RAPGEF5: variants seen among roughly 807,000 people sequenced by gnomAD.
The protein encoded by RAPGEF5 is M-Ras-regulated GEF.
Under a neutral mutation model 125.2 loss-of-function variants are expected in RAPGEF5, and 65 were observed. The observed-to-expected ratio is 0.52, with a 90% confidence interval of 0.43 to 0.64. RAPGEF5 has a LOEUF of 0.64. Among genes scored for constraint, RAPGEF5 ranks in the 30% least tolerant of loss-of-function variants. The probability of loss-of-function intolerance (pLI) is 0.00; values close to 1 mark genes in which losing one functional copy is unlikely to be tolerated. For synonymous variants in RAPGEF5, 391 were observed against 385.9 expected, an observed-to-expected ratio of 1.01 and a Z score of -0.16; for missense variants, 958 against 1,048.1, an observed-to-expected ratio of 0.91 and a Z score of 1.19.
intron 1 of RAPGEF5, among the ~76,000 whole-genome samples, chr7:22,336,785 C>G (rs1464824167): frequency 6.6e-6 from 1 of 152,212 alleles, no homozygotes; most frequent in Non-Finnish European, 1.5e-5. Context: ...CCCTGTTTCC[C>G]TTTTCACCCA....
chr7:22,203,533 A>G (rs1785327716), intron 9 of RAPGEF5, among the ~76,000 whole-genome samples: 2 of 152,218 alleles, frequency 1.3e-5, no homozygotes, highest in Non-Finnish European at 2.9e-5. Context: ...GCAATGACAA[A>G]CAAGGTGTGA....
At chr7:22,161,024 G>T (rs1783973027) in intron 13 of RAPGEF5, among the ~76,000 whole-genome samples, 1 of 128,326 alleles carries the variant, frequency 7.8e-6, no homozygotes, top group Admixed American at 8.6e-5. Flanking sequence ...GTGAAACCCC[G>T]TGTCTACTAA....
chr7:22,146,193 T>G (rs1342790669), intron 19 of RAPGEF5, among the ~76,000 whole-genome samples: 3 of 152,188 alleles, frequency 2.0e-5, no homozygotes, highest in Non-Finnish European at 4.4e-5. Flanking sequence ...AGGTTCCTTC[T>G]TCAGAAGGAA....
chr7:22,245,113 A>G (rs1326591597), intron 7 of RAPGEF5, among the ~76,000 whole-genome samples: 2 of 152,186 alleles, frequency 1.3e-5, no homozygotes, highest in African/African-American at 4.8e-5. Flanking sequence ...GGCTATTTGT[A>G]TATCTTTGAC....
At chr7:22,250,515 A>G (rs1786592069) in intron 7 of RAPGEF5, among the ~76,000 whole-genome samples, 1 of 152,182 alleles carries the variant, frequency 6.6e-6, no homozygotes, top group Non-Finnish European at 1.5e-5. Flanking sequence ...AGTTTTACTG[A>G]GAACAGTTCC....
intron 1 of RAPGEF5, among the ~76,000 whole-genome samples, chr7:22,348,889 C>A (rs1458322012): frequency 6.6e-6 from 1 of 152,044 alleles, no homozygotes; most frequent in Non-Finnish European, 1.5e-5. Flanking sequence ...GAGTTTGAGA[C>A]CAGCCTGGCC....
At chr7:22,213,758 A>T (rs1785564360) in intron 9 of RAPGEF5, among the ~76,000 whole-genome samples, 1 of 152,230 alleles carries the variant, frequency 6.6e-6, no homozygotes, top group Non-Finnish European at 1.5e-5. Context: ...GTGACTTTCA[A>T]TTCTATTACA....
intron 6 of RAPGEF5, among the ~76,000 whole-genome samples, chr7:22,281,920 C>G (rs1003022682): frequency 2.0e-5 from 3 of 152,214 alleles, no homozygotes; most frequent in African/African-American, 7.2e-5. Flanking sequence ...CTCTGCCCAC[C>G]GGATACACAG....
intron 6 of RAPGEF5, among the ~76,000 whole-genome samples, chr7:22,281,697 G>C (rs527239035): frequency 6.6e-6 from 1 of 152,220 alleles, no homozygotes; most frequent in South Asian, 2.1e-4. Flanking sequence ...ATTGAGATGA[G>C]TTCAATGAAA....
chr7:22,325,405 C>T (rs1326174841), intron 1 of RAPGEF5, among the ~76,000 whole-genome samples: 1 of 152,142 alleles, frequency 6.6e-6, no homozygotes, highest in African/African-American at 2.4e-5. Context: ...ACCTCAAAAG[C>T]TATGAAACCC....
intron 7 of RAPGEF5, among the ~76,000 whole-genome samples, chr7:22,236,049 C>G (rs1786180069): frequency 6.6e-6 from 1 of 152,132 alleles, no homozygotes; most frequent in African/African-American, 2.4e-5. Context: ...CATTGAACTT[C>G]TCTTTGAAGG....
At chr7:22,330,107 G>A (rs1044974401) in intron 1 of RAPGEF5, among the ~76,000 whole-genome samples, 2 of 152,196 alleles carry the variant, frequency 1.3e-5, no homozygotes, top group South Asian at 4.2e-4. Flanking sequence ...GAAAGACAAA[G>A]TTCACAGATA....
intron 8 of RAPGEF5, among the ~76,000 whole-genome samples, chr7:22,225,279 G>A (rs903071698): frequency 3.3e-5 from 5 of 152,102 alleles, no homozygotes; most frequent in African/African-American, 1.2e-4. Context: ...AAGGCAAAAT[G>A]CTCTTACTTT....
chr7:22,125,588 G>T lies in RAPGEF5; in HGVS notation c.2536+16C>A. On this transcript the variant is annotated intron_variant, in intron 25 of 25. Transcript: ENST00000665637. The stretch of plus-strand genomic sequence containing the variant: ...TAGAGTCAATTTACATTCCGCACCT[G>T]ACTTCAATTACTCACCAAACTGGTT... The T allele has an allele frequency of 6.2e-7, 1 of 1,602,252 alleles. No homozygotes were observed. Among genetic ancestry groups the T allele is most frequent in the South Asian group, 1.1e-5 (1 of 90,798 alleles).
At chr7:22,313,413 C>A (rs1220710633) in intron 3 of RAPGEF5, among the ~76,000 whole-genome samples, 1 of 152,108 alleles carries the variant, frequency 6.6e-6, no homozygotes, top group East Asian at 1.9e-4. Context: ...CAATTTACTA[C>A]CAGAAAAATG....
chr7:22,148,853 C>A lies in RAPGEF5; in HGVS notation c.1884+1554G>T, dbSNP rs569917040. Among the ~76,000 whole-genome samples the A allele has an allele frequency of 1.3e-5, 2 of 152,204 alleles. 1 individual carries two copies. Among genetic ancestry groups the A allele is most frequent in the South Asian group, 4.2e-4 (2 of 4,818 alleles). On this transcript the variant is annotated intron_variant, in intron 18 of 25. Transcript: ENST00000665637. ...GGGGTTTCCTCTACCGCAACAAGCC[C>A]CACAGTAGCTACATGTCAGATCGTC...
intron 7 of RAPGEF5, among the ~76,000 whole-genome samples, chr7:22,258,028 T>C (rs1411310437): frequency 6.6e-6 from 1 of 152,170 alleles, no homozygotes; most frequent in Non-Finnish European, 1.5e-5. Context: ...AGATGATGAA[T>C]TTGTCCATGT....
chr7:22,141,657 A>G (rs1000217974), intron 20 of RAPGEF5, among the ~76,000 whole-genome samples: 1 of 152,212 alleles, frequency 6.6e-6, no homozygotes, highest in African/African-American at 2.4e-5. Context: ...ACCTCATGCC[A>G]AAGGTATCTG....
intron 1 of RAPGEF5, among the ~76,000 whole-genome samples, 190 bp from the exon 2 acceptor site, chr7:22,318,227 A>C (rs1783642688): frequency 6.6e-6 from 1 of 152,136 alleles, no homozygotes; most frequent in Admixed American, 6.5e-5. Context: ...ATATCTGGTC[A>C]ACATTTGTAA....
Sources: gnomAD v4.1 joint callset for allele counts (sites outside exome capture counted in the v4.1 genomes callset) on GRCh38, gnomAD v4.1.1 for gene constraint, MANE v1.5 for transcripts, NCBI Gene and HGNC (gene_info 2026-07-23, HGNC 2026-07-21) for gene names.